The following EDIL3 variants were observed in gnomAD, a reference collection of about 807,000 sequenced individuals.
EDIL3 encodes EGF-like repeat and discoidin I-like domain-containing protein 3.
Under a neutral mutation model 67.4 loss-of-function variants are expected in EDIL3, and 37 were observed. The observed-to-expected ratio is 0.55, with a 90% CI of 0.42 to 0.72. The LOEUF (loss-of-function observed/expected upper bound fraction) is 0.72, where lower values mean the gene tolerates loss of function less well. EDIL3 is among the 30% of genes least tolerant of loss of function. EDIL3 has a pLI of 0.00. For synonymous variants in EDIL3, 195 were observed against 196.3 expected (o/e 0.99, Z 0.05); for missense variants, 527 against 586.3 (o/e 0.90, Z 1.04).
At position 84,319,381 on chromosome 5, in the gene EDIL3, G is replaced by A. The variant is rs560839824; in HGVS notation, c.67+64927C>T. Among the ~76,000 whole-genome samples the A allele has an allele frequency of 2.8e-5, 3 of 105,520 alleles. 1 individual carries two copies. The highest frequency in any genetic ancestry group is 6.3e-5 in the Non-Finnish European group (3 of 47,502). The allele number at this position is 105,520 out of a possible 152,430, so 69.2% of individuals were successfully genotyped here. A position where few individuals can be genotyped will look rare whatever the true frequency, so the allele number is the denominator to read the frequency against. ...CGGGAGGCTGAGGCAGGAGAATGGCGTGAACCCAGAAGGCGGAGCTTGCAG... is the reference window on the plus strand; with the variant it reads ...CGGGAGGCTGAGGCAGGAGAATGGCATGAACCCAGAAGGCGGAGCTTGCAG... On this transcript the variant is annotated intron_variant, in intron 1 of 10. Transcript: ENST00000296591.
chr5:84,361,459 C>T (rs1300444553), intron 1 of EDIL3, among the ~76,000 whole-genome samples: 1 of 151,806 alleles, frequency 6.6e-6, no homozygotes, highest in African/African-American at 2.4e-5. Flanking sequence ...GAAGTGCAAC[C>T]CTTACTTCAA....
At chr5:84,340,530 CTCTCTATATATATATATATATA>C (rs1164907166) in intron 1 of EDIL3, among the ~76,000 whole-genome samples, 2 of 69,814 alleles carry the variant, frequency 2.9e-5, no homozygotes, top group Non-Finnish European at 6.4e-5. Context: ...CTCTCTCTCT[CTCTCTATATATATATATATATA>C]TATATATATA....
intron 9 of EDIL3, among the ~76,000 whole-genome samples, chr5:84,059,685 C>G (rs767261203): frequency 3.0e-4 from 45 of 152,184 alleles, no homozygotes; most frequent in Non-Finnish European, 4.4e-4. Context: ...ACAGAAGCCA[C>G]TAACAAACCT....
rs190629409 is a variant in EDIL3 at position 84,042,905 on chromosome 5, G to A, written c.1137+17395C>T. 3.3e-5 allele frequency among the ~76,000 whole-genome samples: 5 copies of A among 152,224 alleles called. No homozygotes were observed. The East Asian group carries it at 9.7e-4, about 29-fold the overall frequency. On this transcript the variant is annotated intron_variant, in intron 9 of 10. Coordinates refer to ENST00000296591, the MANE Select transcript of EDIL3 (RefSeq NM_005711.5). ...TATGTATTCTACATTAAAGTTTAAT[G>A]TATGTCAGAACCTTTCATTGGAACC...
chr5:84,078,741 A>G (rs1192631657), intron 6 of EDIL3: 3 of 152,206 alleles, frequency 2.0e-5, no homozygotes, highest in East Asian at 1.9e-4. Context: ...TTACTTCTCT[A>G]TTCTCAAGGA....
chr5:84,048,072 T>C, intron 9 of EDIL3: 1 of 250,002 alleles, frequency 4.0e-6, no homozygotes, highest in Non-Finnish European at 8.1e-6. Flanking sequence ...CATATGTCAA[T>C]ACTATAGAAG....
chr5:84,149,690 A>T (rs1748352720), intron 4 of EDIL3, among the ~76,000 whole-genome samples: 1 of 152,130 alleles, frequency 6.6e-6, no homozygotes, highest in Non-Finnish European at 1.5e-5. Context: ...GTATATATTA[A>T]AATTAGCAGA....
At chr5:84,037,509 G>A (rs1226721750) in intron 9 of EDIL3, among the ~76,000 whole-genome samples, 1 of 151,578 alleles carries the variant, frequency 6.6e-6, no homozygotes, top group Non-Finnish European at 1.5e-5. Context: ...GCATTTATTC[G>A]ACCCATTTTT....
intron 4 of EDIL3, among the ~76,000 whole-genome samples, chr5:84,145,896 C>T (rs1469313125): frequency 6.6e-6 from 1 of 151,960 alleles, no homozygotes; most frequent in Non-Finnish European, 1.5e-5. Context: ...TCTTCCCTTT[C>T]CTATGAGCAT....
intron 9 of EDIL3, among the ~76,000 whole-genome samples, chr5:84,014,768 T>C (rs1395274291): frequency 6.6e-6 from 1 of 152,086 alleles, no homozygotes; most frequent in Non-Finnish European, 1.5e-5. Flanking sequence ...TAACCCAGTA[T>C]AAAAAGAAAA....
intron 1 of EDIL3, among the ~76,000 whole-genome samples, chr5:84,280,779 C>A (rs1052657822): frequency 2.0e-5 from 3 of 151,548 alleles, no homozygotes; most frequent in African/African-American, 7.3e-5. Flanking sequence ...TCTATCTCTA[C>A]AAAAAATTTA....
chr5:84,121,534 G>GATCTATCTATCTATCTATCT (rs544249908), intron 5 of EDIL3, among the ~76,000 whole-genome samples: 2 of 99,906 alleles, frequency 2.0e-5, no homozygotes, highest in African/African-American at 7.7e-5. Flanking sequence ...CACTAACTTA[G>GATCTATCTATCTATCTATCT]ATCGATCTAT....
At chr5:84,379,039 G>A (rs1407503238) in intron 1 of EDIL3, among the ~76,000 whole-genome samples, 1 of 152,084 alleles carries the variant, frequency 6.6e-6, no homozygotes, top group Non-Finnish European at 1.5e-5. Flanking sequence ...GGGGAGAGGA[G>A]GAGAAAGAGA....
chr5:84,320,865 T>G (rs537997705), intron 1 of EDIL3, among the ~76,000 whole-genome samples: 3 of 152,194 alleles, frequency 2.0e-5, no homozygotes, highest in Non-Finnish European at 4.4e-5. Context: ...ATTGCAACAT[T>G]TCTTGTGAGT....
chr5:84,340,557 T>C (rs1391054548), intron 1 of EDIL3, among the ~76,000 whole-genome samples: 22 of 142,468 alleles, frequency 1.5e-4, no homozygotes, highest in Admixed American at 7.2e-5. Context: ...TATATATATA[T>C]ATATATATAT....
chr5:84,319,463 CA>C (rs55881777), intron 1 of EDIL3, among the ~76,000 whole-genome samples: 29 of 9,996 alleles, frequency 2.9e-3, no homozygotes, highest in South Asian at 4.8e-3. Flanking sequence ...GACTCCGTCT[CA>C]AAAAAAAAAA....
chr5:84,294,383 T>G, intron 1 of EDIL3, among the ~76,000 whole-genome samples: 1 of 52,912 alleles, frequency 1.9e-5, no homozygotes, highest in Non-Finnish European at 3.1e-5. Context: ...AGACTCTGTC[T>G]CAAAAAAAAA....
At chr5:84,295,727 C>G (rs918369968) in intron 1 of EDIL3, among the ~76,000 whole-genome samples, 8 of 152,132 alleles carry the variant, frequency 5.3e-5, no homozygotes, top group African/African-American at 1.9e-4. Flanking sequence ...ATATTAATTG[C>G]AATTGTTTAT....
At chr5:84,057,067 A>T (rs1387021868) in intron 9 of EDIL3, among the ~76,000 whole-genome samples, 1 of 152,134 alleles carries the variant, frequency 6.6e-6, no homozygotes. Context: ...ATAAATAAAT[A>T]AAAGGAAAAG....
Sources: gnomAD v4.1 joint callset for allele counts (sites outside exome capture counted in the v4.1 genomes callset) on GRCh38, gnomAD v4.1.1 for gene constraint, MANE v1.5 for transcripts, NCBI Gene and HGNC (gene_info 2026-07-23, HGNC 2026-07-21) for gene names.